ARHGAP15: variants seen among roughly 807,000 people sequenced by gnomAD.
ARHGAP15 encodes the protein rho GTPase-activating protein 15.
ARHGAP15 carries 51 observed loss-of-function variants against 63.7 expected under a neutral mutation model. That is an observed-to-expected ratio of 0.80 (90% CI 0.64 to 1.01). The LOEUF is 1.01. Ranked by LOEUF, ARHGAP15 falls within the 50% of genes least tolerant of loss-of-function variation. The pLI is 0.00. For missense variants in ARHGAP15, 560 were observed against 564.6 expected (o/e 0.99, Z 0.08); for synonymous variants, 191 against 193.8 (o/e 0.99, Z 0.12).
At chr2:143,169,271 T>A (rs1690670336) in intron 2 of ARHGAP15, among the ~76,000 whole-genome samples, 1 of 152,062 alleles carries the variant, frequency 6.6e-6, no homozygotes, top group Admixed American at 6.6e-5. Context: ...AAGCTAAGTA[T>A]CTCTTGCCTC....
chr2:143,314,477 C>T (rs1243956241), intron 6 of ARHGAP15: 1 of 152,178 alleles, frequency 6.6e-6, no homozygotes, highest in East Asian at 1.9e-4. Flanking sequence ...TGCAGAAGCA[C>T]ATTATCCCAC....
In ARHGAP15 at chr2:143,432,954, C is replaced by T. The variant is rs117421079; in HGVS notation, c.475-2647C>T. Among the ~76,000 whole-genome samples the T allele has an allele frequency of 6.6e-3, 1,009 of 152,040 alleles. 6 individuals carry two copies. Among genetic ancestry groups the T allele is most frequent in the Middle Eastern group, 0.014 (4 of 294 alleles). ...CATCCCCTTACCCCAGCATCTGTCACGGAGGCAAAACATATAGAAAGAGTA... is the reference window on the plus strand; with the variant it reads ...CATCCCCTTACCCCAGCATCTGTCATGGAGGCAAAACATATAGAAAGAGTA... On this transcript the variant is annotated intron_variant, in intron 6 of 13. Transcript: ENST00000295095.
At chr2:143,483,646 G>A (rs1297289965) in intron 8 of ARHGAP15, among the ~76,000 whole-genome samples, 1 of 152,224 alleles carries the variant, frequency 6.6e-6, no homozygotes, top group Non-Finnish European at 1.5e-5. Flanking sequence ...GTCAGTTGAA[G>A]CAGATCATAC....
At chr2:143,552,125 G>A (rs1021696703) in intron 10 of ARHGAP15, among the ~76,000 whole-genome samples, 5 of 152,178 alleles carry the variant, frequency 3.3e-5, no homozygotes, top group African/African-American at 1.2e-4. Context: ...GGCCTCCTAG[G>A]AATTAGGAAG....
At chr2:143,557,480 G>A (rs751945208) in intron 11 of ARHGAP15, among the ~76,000 whole-genome samples, 2 of 152,054 alleles carry the variant, frequency 1.3e-5, no homozygotes, top group African/African-American at 4.8e-5. Context: ...GGGGGAAAGA[G>A]GGAGAGATGA....
At chr2:143,673,767 T>TATATATATATATATATATATATA (rs1682679730) in intron 12 of ARHGAP15, among the ~76,000 whole-genome samples, 1 of 98,910 alleles carries the variant, frequency 1.0e-5, no homozygotes, top group Non-Finnish European at 2.3e-5. Flanking sequence ...TGTATATATA[T>TATATATATATATATATATATATA]ATATATATAT....
intron 6 of ARHGAP15, among the ~76,000 whole-genome samples, chr2:143,344,833 TAAAC>T (rs1457876751): frequency 6.6e-6 from 1 of 152,014 alleles, no homozygotes; most frequent in East Asian, 1.9e-4. Flanking sequence ...AATAAACAAA[TAAAC>T]AAGTAAACTA....
chr2:143,593,071 G>C (rs1382291211), intron 11 of ARHGAP15, among the ~76,000 whole-genome samples: 2 of 152,120 alleles, frequency 1.3e-5, no homozygotes, highest in African/African-American at 4.8e-5. Context: ...TGGACAAATT[G>C]GATTCATAAA....
At chr2:143,417,509 T>G (rs1026979790) in intron 6 of ARHGAP15, among the ~76,000 whole-genome samples, 2 of 152,196 alleles carry the variant, frequency 1.3e-5, no homozygotes. Flanking sequence ...TACTAGGTAC[T>G]TTGCCACAGG....
At chr2:143,478,642 T>C (rs1180920018) in intron 8 of ARHGAP15, among the ~76,000 whole-genome samples, 1 of 152,196 alleles carries the variant, frequency 6.6e-6, no homozygotes, top group Admixed American at 6.5e-5. Context: ...AAGGATTAAA[T>C]GAGATCAATG....
chr2:143,733,964 T>C (rs1685648123), intron 13 of ARHGAP15, among the ~76,000 whole-genome samples: 1 of 152,152 alleles, frequency 6.6e-6, no homozygotes. Flanking sequence ...GCAAAAAATT[T>C]GTTTTAAGAA....
rs1477168336 is a variant in ARHGAP15 at position 143,171,392 on chromosome 2, G to A, written c.165+15737G>A. Among the ~76,000 whole-genome samples, 4 of 152,104 alleles carry A rather than the reference G, an allele frequency of 2.6e-5. 1 individual carries two copies. Among genetic ancestry groups the A allele is most frequent in the African/African-American group, 9.7e-5 (4 of 41,434 alleles). On this transcript the variant is annotated intron_variant, in intron 2 of 13. Coordinates refer to ENST00000295095, the MANE Select transcript of ARHGAP15 (RefSeq NM_018460.4). ...CTCTTTCTATATCCATTTAGAGACT[G>A]GAAGTCACAGGAAACAACACGGCAG...
intron 12 of ARHGAP15, among the ~76,000 whole-genome samples, chr2:143,651,416 G>A (rs1681157374): frequency 6.6e-6 from 1 of 151,826 alleles, no homozygotes; most frequent in African/African-American, 2.4e-5. Flanking sequence ...TGATTTTATT[G>A]CTAAGTAGCA....
In ARHGAP15 at chr2:143,624,152, C is replaced by T. The variant is rs138120208; in HGVS notation, c.1023C>T (p.Asp341=). The stretch of plus-strand genomic sequence containing the variant: ...TCCCAGAAGAGAAGCTGAATTTGGA[C>T]GACAGCCAGTGGGAGGACATCCACG... The part of the protein sequence containing the change: ...IVNQEEKLNL[D]DSQWEDIHVV... The change falls in exon 12 of 14, where the codon GAC becomes GAT. Residue 341 remains aspartate, a synonymous_variant. Transcript: ENST00000295095. 22 of 1,613,420 alleles carry T rather than the reference C, an allele frequency of 1.4e-5. No homozygotes were observed. The highest frequency in any genetic ancestry group is 1.7e-4 in the Middle Eastern group (1 of 6,058).
chr2:143,629,767 A>G (rs1427711316), intron 12 of ARHGAP15, among the ~76,000 whole-genome samples: 1 of 152,210 alleles, frequency 6.6e-6, no homozygotes, highest in Non-Finnish European at 1.5e-5. Flanking sequence ...AGCAGGAGAT[A>G]TTGGAGAAAT....
At chr2:143,482,458 G>A (rs577540748) in intron 8 of ARHGAP15, among the ~76,000 whole-genome samples, 1 of 152,174 alleles carries the variant, frequency 6.6e-6, no homozygotes, top group Non-Finnish European at 1.5e-5. Context: ...GTTTCTAAAA[G>A]TATGTGTGGG....
At chr2:143,371,392 A>G (rs1369605361) in intron 6 of ARHGAP15, among the ~76,000 whole-genome samples, 1 of 152,192 alleles carries the variant, frequency 6.6e-6, no homozygotes, top group Non-Finnish European at 1.5e-5. Context: ...GGCAATCTCT[A>G]GAGTTTCTAC....
chr2:143,734,152 G>A (rs765542667), intron 13 of ARHGAP15, among the ~76,000 whole-genome samples: 19 of 152,130 alleles, frequency 1.2e-4, no homozygotes, highest in African/African-American at 7.2e-5. Context: ...GAACAGTCAC[G>A]GTCCTTTTCT....
chr2:143,554,319 C>T (rs932356848), intron 10 of ARHGAP15, among the ~76,000 whole-genome samples: 2 of 152,090 alleles, frequency 1.3e-5, no homozygotes, highest in African/African-American at 4.8e-5. Context: ...TTTGTGGTGG[C>T]AAGCATCAAG....
Sources: allele counts gnomAD v4.1 joint callset (sites outside exome capture counted in the v4.1 genomes callset), GRCh38; gene constraint gnomAD v4.1.1; transcripts MANE v1.5; gene names NCBI Gene and HGNC (gene_info 2026-07-23, HGNC 2026-07-21).